Variants in DYRK1A observed in about 807,000 individuals in gnomAD.
DYRK1A encodes the protein dual specificity tyrosine phosphorylation regulated kinase 1A, also known as dual specificity tyrosine-phosphorylation-regulated kinase 1A.
A neutral mutation model predicts 79.7 loss-of-function variants in DYRK1A; 9 were observed. The observed-to-expected ratio is 0.11, with a 90% confidence interval of 0.07 to 0.20. The LOEUF is 0.20. Ranked by LOEUF, DYRK1A falls within the 10% of genes least tolerant of loss-of-function variation. DYRK1A has a pLI of 1.00. For missense variants in DYRK1A, 622 were observed against 956.0 expected (o/e 0.65, Z 4.61); for synonymous variants, 349 against 329.7 (o/e 1.06, Z -0.63).
chr21:37,492,184 C>T (rs2053120015), intron 7 of DYRK1A, among the ~76,000 whole-genome samples: 1 of 152,154 alleles, frequency 6.6e-6, no homozygotes, highest in African/African-American at 2.4e-5. Flanking sequence ...TCTCATAGTT[C>T]CTTAAGGTTG....
chr21:37,489,682 G>C (rs1369784364), intron 6 of DYRK1A, among the ~76,000 whole-genome samples: 1 of 151,686 alleles, frequency 6.6e-6, no homozygotes, highest in Non-Finnish European at 1.5e-5. Context: ...AATTACCAGT[G>C]AAATCTAAAG....
intron 2 of DYRK1A, among the ~76,000 whole-genome samples, chr21:37,466,287 A>G (rs184563093): frequency 8.5e-5 from 13 of 152,358 alleles, no homozygotes; most frequent in Non-Finnish European, 1.8e-4. Flanking sequence ...TTAAAACAGA[A>G]ATCAACATAG....
At chr21:37,471,306 T>G (rs961338602) in intron 2 of DYRK1A, among the ~76,000 whole-genome samples, 2 of 152,208 alleles carry the variant, frequency 1.3e-5, no homozygotes, top group Admixed American at 6.5e-5. Flanking sequence ...GCCAGAGTGT[T>G]GAGTCTCGTT....
upstream of DYRK1A, among the ~76,000 whole-genome samples, chr21:37,366,443 G>C (rs1183056537): frequency 6.8e-6 from 1 of 147,604 alleles, no homozygotes; most frequent in Non-Finnish European, 1.5e-5. Context: ...GGCGGCGGGC[G>C]ATCGCGCACA....
At chr21:37,416,764 G>A (rs959968330) in intron 1 of DYRK1A, among the ~76,000 whole-genome samples, 2 of 151,398 alleles carry the variant, frequency 1.3e-5, no homozygotes, top group African/African-American at 4.8e-5. Context: ...TATTTTTAAT[G>A]GGCATCTTCT....
chr21:37,498,225 C>CT (rs540116534), intron 9 of DYRK1A, among the ~76,000 whole-genome samples: 2 of 151,944 alleles, frequency 1.3e-5, no homozygotes, highest in Non-Finnish European at 2.9e-5. Flanking sequence ...ATAAATGATG[C>CT]TTTTTTTGAA....
At chr21:37,411,430 A>ACC (rs2050243665) in intron 1 of DYRK1A, among the ~76,000 whole-genome samples, 1 of 150,294 alleles carries the variant, frequency 6.7e-6, no homozygotes, top group Non-Finnish European at 1.5e-5. Flanking sequence ...GAAAGGACAA[A>ACC]CCAAAACAAG....
chr21:37,384,480 T>C (rs2049720494), intron 1 of DYRK1A, among the ~76,000 whole-genome samples: 1 of 152,166 alleles, frequency 6.6e-6, no homozygotes, highest in Non-Finnish European at 1.5e-5. Context: ...GACTCCTAGC[T>C]TTGCCTGAAA....
chr21:37,449,147 A>C (rs1348275927), intron 2 of DYRK1A, among the ~76,000 whole-genome samples: 1 of 152,228 alleles, frequency 6.6e-6, no homozygotes, highest in Non-Finnish European at 1.5e-5. Context: ...TATTAGTTCA[A>C]GTCCATACTG....
chr21:37,504,144 CAT>C (rs1426136910), intron 9 of DYRK1A: 2 of 152,220 alleles, frequency 1.3e-5, no homozygotes, highest in Non-Finnish European at 2.9e-5. Flanking sequence ...CCACTGTTTT[CAT>C]ATGTTTTGAG....
chr21:37,429,854 G>A (rs1054356720), intron 2 of DYRK1A, among the ~76,000 whole-genome samples: 1 of 152,204 alleles, frequency 6.6e-6, no homozygotes, highest in Non-Finnish European at 1.5e-5. Context: ...TCCACTTACA[G>A]GGGTAACCCC....
chr21:37,429,571 G>C (rs926784686), intron 2 of DYRK1A, among the ~76,000 whole-genome samples: 1 of 152,126 alleles, frequency 6.6e-6, no homozygotes, highest in Non-Finnish European at 1.5e-5. Flanking sequence ...TCGCGAGAAC[G>C]TACTCACCAT....
intron 9 of DYRK1A, among the ~76,000 whole-genome samples, chr21:37,500,028 A>G (rs1009871959): frequency 1.3e-5 from 2 of 152,220 alleles, no homozygotes; most frequent in Non-Finnish European, 2.9e-5. Context: ...TGTGGATTTC[A>G]GCATATTTGG....
chr21:37,469,100 C>T (rs1222731679), intron 2 of DYRK1A, among the ~76,000 whole-genome samples: 1 of 152,094 alleles, frequency 6.6e-6, no homozygotes, highest in Non-Finnish European at 1.5e-5. Flanking sequence ...AATTAAAAAC[C>T]ACATTGGAGT....
chr21:37,522,836 T>A lies in DYRK1A; in HGVS notation c.*10305T>A, dbSNP rs2053943770. The A allele has an allele frequency of 6.6e-6, 1 of 152,398 alleles. No individual in the cohort carries two copies. Among genetic ancestry groups the A allele is most frequent in the Admixed American group, 6.5e-5 (1 of 15,288 alleles). 9.4% of individuals were successfully genotyped at this position (152,398 alleles called of 1,614,324 possible). The stretch of plus-strand genomic sequence containing the variant: ...TTTCTCTGTTCCCAAGGTCATTTTC[T>A]CCCCTTCTTGTTTCCAGGATCCACA... On this transcript the variant is annotated 3_prime_UTR_variant, in exon 12 of 12. Transcript: ENST00000647188.
chr21:37,507,460 C>T (rs909160541), intron 11 of DYRK1A, among the ~76,000 whole-genome samples: 1 of 152,216 alleles, frequency 6.6e-6, no homozygotes, highest in South Asian at 2.1e-4. Context: ...GTCTCTTTAC[C>T]CTGAAGACCT....
At chr21:37,496,419 A>T (rs2053271295) in intron 9 of DYRK1A, among the ~76,000 whole-genome samples, 161 bp downstream of exon 9, 1 of 152,202 alleles carries the variant, frequency 6.6e-6, no homozygotes, top group Non-Finnish European at 1.5e-5. Flanking sequence ...GTATAGTTTG[A>T]CCTGAACTAT....
chr21:37,476,158 C>A, intron 3 of DYRK1A, among the ~76,000 whole-genome samples: 1 of 152,214 alleles, frequency 6.6e-6, no homozygotes, highest in East Asian at 1.9e-4. Context: ...GATAATATTT[C>A]GGACCACCCG....
chr21:37,400,313 C>G (rs1288179023), intron 1 of DYRK1A, among the ~76,000 whole-genome samples: 1 of 152,118 alleles, frequency 6.6e-6, no homozygotes, highest in Non-Finnish European at 1.5e-5. Flanking sequence ...ATCACACCTG[C>G]AAAGACCTGT....
Sources: allele counts gnomAD v4.1 joint callset (sites outside exome capture counted in the v4.1 genomes callset), GRCh38; gene constraint gnomAD v4.1.1; transcripts MANE v1.5; gene names NCBI Gene and HGNC (gene_info 2026-07-23, HGNC 2026-07-21).